Variants in NUP205 observed in about 807,000 individuals in gnomAD.
NUP205 encodes nucleoporin 205.
A neutral mutation model predicts 253.8 loss-of-function variants in NUP205; 76 were observed. The observed-to-expected ratio is 0.30, with a 90% CI of 0.25 to 0.36. The LOEUF is 0.36. Among genes scored for constraint, NUP205 ranks in the 10% least tolerant of loss-of-function variants. The pLI is 1.00. For missense variants in NUP205, 2,162 were observed against 2,425.5 expected, an observed-to-expected ratio of 0.89 and a Z score of 2.28; for synonymous variants, 832 against 850.1, an observed-to-expected ratio of 0.98 and a Z score of 0.37.
intron 30 of NUP205, among the ~76,000 whole-genome samples, chr7:135,622,156 G>A (rs1794484385): frequency 1.3e-5 from 2 of 151,648 alleles, no homozygotes; most frequent in Admixed American, 6.6e-5. Flanking sequence ...TGGGCACGGT[G>A]GCTCACACCT....
At chr7:135,645,801 C>T (rs1339863377) in intron 41 of NUP205, 1 of 594,788 alleles carries the variant, frequency 1.7e-6, no homozygotes, top group Non-Finnish European at 2.9e-6. Context: ...TATTCTAGAG[C>T]CTGCTCATCA....
intron 35 of NUP205, among the ~76,000 whole-genome samples, chr7:135,633,201 C>T (rs1450414461): frequency 6.6e-6 from 1 of 151,962 alleles, no homozygotes; most frequent in East Asian, 1.9e-4. Flanking sequence ...TGGCCTCAAG[C>T]ATTCCTCCCA....
At chr7:135,601,221 G>A (rs1793958968) in intron 16 of NUP205, 149 bp from the exon 17 acceptor site, 4 of 711,926 alleles carry the variant, frequency 5.6e-6, no homozygotes, top group Non-Finnish European at 9.1e-6. Context: ...TTTGCCCTTA[G>A]GAGAATTACT....
In NUP205 at chr7:135,617,673, A is replaced by G. The variant is rs764574780; in HGVS notation, c.3762A>G (p.Leu1254=). 15 of 1,605,590 alleles carry G rather than the reference A, an allele frequency of 9.3e-6. No homozygotes were observed. The highest frequency in any genetic ancestry group is 6.0e-6 in the Non-Finnish European group (7 of 1,172,482). ...TGGCAGCCATAGGACAGAGACCTCT[A>G]CTAATGGAGGTAAGCTCTATTGAGT... ...QGMAAIGQRP[L]LMEEISTVLQ... The change falls in exon 27 of 43, where the codon CTA becomes CTG. Residue 1254 remains leucine, a synonymous_variant. Coordinates refer to ENST00000285968, the MANE Select transcript of NUP205 (RefSeq NM_015135.3).
intron 19 of NUP205, among the ~76,000 whole-genome samples, chr7:135,605,538 C>T (rs1163167792): frequency 2.0e-5 from 3 of 152,128 alleles, no homozygotes; most frequent in Admixed American, 6.5e-5. Context: ...GTGGTGGTAC[C>T]ACCCAGCATG....
intron 22 of NUP205, 51 bp from the exon 23 acceptor site, chr7:135,614,108 G>T: frequency 9.9e-7 from 1 of 1,009,502 alleles, no homozygotes; most frequent in Non-Finnish European, 1.6e-6. Context: ...ACCATAATAT[G>T]TGTAACACAG....
At chr7:135,589,446 G>A (rs1296977854) in intron 10 of NUP205, among the ~76,000 whole-genome samples, 1 of 150,636 alleles carries the variant, frequency 6.6e-6, no homozygotes, top group Non-Finnish European at 1.5e-5. Context: ...GCGCCACCAC[G>A]CCAGGCTAAT....
chr7:135,597,129 T>C, intron 13 of NUP205: 1 of 423,568 alleles, frequency 2.4e-6, no homozygotes. Flanking sequence ...GCTGAAAAAA[T>C]GTCTTGTGTG....
rs898732526 is a variant in NUP205, at chr7:135,621,582, T to C, written c.4331-1195T>C. ...TTTATTTAATGTACTTGTGAAATTTTTAAAGAGTCTCACATAAGAGTATGT... is the reference window on the plus strand; with the variant it reads ...TTTATTTAATGTACTTGTGAAATTTCTAAAGAGTCTCACATAAGAGTATGT... On this transcript the variant is annotated intron_variant, in intron 30 of 42. Coordinates refer to ENST00000285968, the MANE Select transcript of NUP205 (RefSeq NM_015135.3). Among the ~76,000 whole-genome samples, 5 of 152,356 alleles carry C rather than the reference T, an allele frequency of 3.3e-5. No homozygotes were observed. In the South Asian group the frequency reaches 1.0e-3, roughly 32 times the overall value.
intron 35 of NUP205, among the ~76,000 whole-genome samples, chr7:135,631,097 GAGAA>G (rs1333199423): frequency 2.0e-5 from 3 of 150,868 alleles, no homozygotes; most frequent in Non-Finnish European, 2.9e-5. Flanking sequence ...GGGGGAGAGA[GAGAA>G]AGAAAGCAAC....
chr7:135,607,448 A>G, intron 22 of NUP205, 77 bp downstream of exon 22: 1 of 1,482,076 alleles, frequency 6.7e-7, no homozygotes, highest in Non-Finnish European at 9.2e-7. Flanking sequence ...CAGATATGAC[A>G]GTATAACAGC....
intron 15 of NUP205, 71 bp downstream of exon 15, chr7:135,598,278 G>T: frequency 7.6e-7 from 1 of 1,311,902 alleles, no homozygotes; most frequent in Admixed American, 2.0e-5. Flanking sequence ...AGTATATGGT[G>T]CTAAATTCAT....
intron 38 of NUP205, among the ~76,000 whole-genome samples, chr7:135,642,365 C>G (rs199833654): frequency 6.9e-6 from 1 of 145,680 alleles, no homozygotes; most frequent in Non-Finnish European, 1.5e-5. Context: ...TTTTTTTTTT[C>G]TTTTCTGTAG....
intron 6 of NUP205, among the ~76,000 whole-genome samples, chr7:135,578,529 T>C (rs906903533): frequency 2.6e-5 from 4 of 152,236 alleles, no homozygotes; most frequent in Non-Finnish European, 5.9e-5. Context: ...TGACTGAAAA[T>C]AGTGAAATTG....
intron 30 of NUP205, among the ~76,000 whole-genome samples, chr7:135,621,630 A>G (rs981697875): frequency 6.6e-6 from 1 of 152,228 alleles, no homozygotes; most frequent in Admixed American, 6.5e-5. Flanking sequence ...CATAAAATGT[A>G]TGATCATACT....
chr7:135,601,657 T>C, intron 17 of NUP205, 150 bp downstream of exon 17: 1 of 812,290 alleles, frequency 1.2e-6, no homozygotes, highest in Non-Finnish European at 1.9e-6. Flanking sequence ...GTGAATCATT[T>C]AAATGAGAGT....
rs766299939 is a variant in NUP205, at chr7:135,573,711, A to G, written c.229A>G (p.Ile77Val). 1.2e-6 allele frequency: 2 copies of G among 1,614,056 alleles called. No individual in the cohort carries two copies. The highest frequency in any genetic ancestry group is 1.7e-5 in the Admixed American group (1 of 60,008). ...VQKASTEGVAIQGQQGTRLLP... is the reference protein window; with the variant it reads ...VQKASTEGVAVQGQQGTRLLP... ...GAAAGCCAGTACAGAGGGAGTCGCC[A>G]TTCAGGGTCAACAGGGAACTCGACT... The change falls in exon 3 of 43, where the codon ATT becomes GTT. Residue 77 changes from isoleucine (I) to valine (V), a missense_variant. Coordinates refer to ENST00000285968, the MANE Select transcript of NUP205 (RefSeq NM_015135.3).
chr7:135,572,967 C>CT (rs201864688), intron 2 of NUP205, among the ~76,000 whole-genome samples: 80 of 81,058 alleles, frequency 9.9e-4, no homozygotes, highest in Non-Finnish European at 1.4e-3. Context: ...CTTTTTTTTT[C>CT]TTTTTTTTTG....
chr7:135,576,229 C>A (rs774919509), intron 3 of NUP205, 41 bp from the exon 4 acceptor site: 1 of 1,538,168 alleles, frequency 6.5e-7, no homozygotes, highest in Non-Finnish European at 9.0e-7. Context: ...TAAACACATA[C>A]GTGTTTATTA....
Sources: allele counts gnomAD v4.1 joint callset (sites outside exome capture counted in the v4.1 genomes callset), GRCh38; gene constraint gnomAD v4.1.1; transcripts MANE v1.5; gene names NCBI Gene and HGNC (gene_info 2026-07-23, HGNC 2026-07-21).